ANKH: variants seen among roughly 807,000 people sequenced by gnomAD.
ANKH encodes mineralization regulator ANKH.
A neutral mutation model predicts 49.0 loss-of-function variants in ANKH; 15 were observed. That is an observed-to-expected ratio of 0.31 (90% CI 0.20 to 0.47). The LOEUF (loss-of-function observed/expected upper bound fraction) is 0.47. Ranked by LOEUF, ANKH falls within the 20% of genes least tolerant of loss-of-function variation. ANKH has a pLI of 1.00. For missense variants in ANKH, 429 were observed against 652.0 expected (o/e 0.66, Z 3.72); for synonymous variants, 273 against 260.0 (o/e 1.05, Z -0.48).
At chr5:14,821,925 A>G (rs562753442) in intron 1 of ANKH, among the ~76,000 whole-genome samples, 7 of 152,186 alleles carry the variant, frequency 4.6e-5, no homozygotes, top group Non-Finnish European at 1.0e-4. Flanking sequence ...AAACCCTGCT[A>G]TGGAACAGCA....
At chr5:14,729,322 G>A (rs982703945) in intron 8 of ANKH, among the ~76,000 whole-genome samples, 4 of 151,992 alleles carry the variant, frequency 2.6e-5, no homozygotes. Context: ...CAAAGTGCTG[G>A]GATTACAGCT....
At chr5:14,842,504 C>T (rs570705998) in intron 1 of ANKH, among the ~76,000 whole-genome samples, 51 of 152,242 alleles carry the variant, frequency 3.3e-4, no homozygotes, top group Middle Eastern at 3.4e-3. Context: ...TGGGACACAC[C>T]GATCTGGGTT....
At chr5:14,717,908 G>A (rs888104335) in intron 8 of ANKH, among the ~76,000 whole-genome samples, 1 of 152,120 alleles carries the variant, frequency 6.6e-6, no homozygotes, top group African/African-American at 2.4e-5. Context: ...GGAGCATTTT[G>A]GATTTTCGAT....
chr5:14,741,893 C>T lies in ANKH; in HGVS notation c.945G>A (p.Thr315=), dbSNP rs370855648. ...KNNPSNKLVS[T]SNTVTAAHIK... ...TGTGGGCTGCCGTGACTGTGTTGCT[C>T]GTGCTCACCAGTTTGTTGCTGGGGT... The change falls in exon 8 of 12, where the codon ACG becomes ACA. Residue 315 remains threonine, a synonymous_variant. Transcript: ENST00000284268. 1.1e-4 allele frequency: 174 copies of T among 1,614,116 alleles called. No homozygotes were observed. The highest frequency in any genetic ancestry group is 2.7e-4 in the Admixed American group (16 of 60,024).
At position 14,708,926 on chromosome 5, in the gene ANKH, CTT is replaced by C. The variant is rs1359245027; in HGVS notation, c.*2269_*2270del. On this transcript the variant is annotated 3_prime_UTR_variant, in exon 12 of 12. Transcript: ENST00000284268. ...TTTTTTTTTGAGATGGAGTTTTGCT[CTT>C]GTCACCCAGGCTGGAGTGCGATGGC... 1.3e-5 allele frequency: 2 copies of C among 149,786 alleles called. No individual in the cohort carries two copies. The highest frequency in any genetic ancestry group is 3.9e-4 in the East Asian group (2 of 5,128). The allele number at this position is 149,786 out of a possible 1,614,324, so 9.3% of individuals were successfully genotyped here.
chr5:14,717,586 C>A (rs1180130840), intron 8 of ANKH, among the ~76,000 whole-genome samples: 1 of 152,178 alleles, frequency 6.6e-6, no homozygotes, highest in Non-Finnish European at 1.5e-5. Flanking sequence ...GTAAGCAATC[C>A]ATCCACAGCT....
chr5:14,787,383 T>C (rs900141025), intron 1 of ANKH, among the ~76,000 whole-genome samples: 2 of 152,262 alleles, frequency 1.3e-5, no homozygotes, highest in Admixed American at 1.3e-4. Context: ...TCAAGCAATA[T>C]AAAATATTCT....
At chr5:14,819,064 C>T (rs1231771790) in intron 1 of ANKH, among the ~76,000 whole-genome samples, 1 of 152,160 alleles carries the variant, frequency 6.6e-6, no homozygotes, top group Non-Finnish European at 1.5e-5. Flanking sequence ...ACTCTGAATA[C>T]GGAGTTAATG....
At chr5:14,727,868 T>C (rs1262169814) in intron 8 of ANKH, among the ~76,000 whole-genome samples, 1 of 152,176 alleles carries the variant, frequency 6.6e-6, no homozygotes. Flanking sequence ...TGTATTTTTC[T>C]ACAATTAAAA....
At chr5:14,791,355 G>C (rs1447575550) in intron 1 of ANKH, among the ~76,000 whole-genome samples, 1 of 152,148 alleles carries the variant, frequency 6.6e-6, no homozygotes, top group East Asian at 1.9e-4. Flanking sequence ...ACAGCAAAAT[G>C]AAGAACTGTG....
chr5:14,852,335 C>T (rs959117341), intron 1 of ANKH, among the ~76,000 whole-genome samples: 12 of 152,064 alleles, frequency 7.9e-5, no homozygotes, highest in African/African-American at 2.9e-4. Flanking sequence ...GAAAAGGAAA[C>T]ATGATATGGA....
At chr5:14,870,756 A>G (rs1735789468) in intron 1 of ANKH, 1 of 161,356 alleles carries the variant, frequency 6.2e-6, no homozygotes, top group Admixed American at 6.1e-5. Context: ...TTAGTGGTCC[A>G]TGAAAAAAAA....
intron 8 of ANKH, among the ~76,000 whole-genome samples, chr5:14,730,695 G>A (rs1737970376): frequency 6.6e-6 from 1 of 152,204 alleles, no homozygotes; most frequent in East Asian, 1.9e-4. Context: ...GTATGTGGAT[G>A]TGCCCAGCGT....
At chr5:14,714,499 G>A (rs1737369363) in intron 9 of ANKH, among the ~76,000 whole-genome samples, 2 of 152,194 alleles carry the variant, frequency 1.3e-5, no homozygotes. Context: ...AAGGGCTCTT[G>A]GAGGAGGAAG....
chr5:14,734,538 C>T (rs1052648237), intron 8 of ANKH, among the ~76,000 whole-genome samples: 1 of 152,202 alleles, frequency 6.6e-6, no homozygotes, highest in African/African-American at 2.4e-5. Context: ...GCTCTGCTTC[C>T]ACAGCAGTGA....
At chr5:14,724,703 A>AT in intron 8 of ANKH, 1 of 386,860 alleles carries the variant, frequency 2.6e-6, no homozygotes, top group Non-Finnish European at 3.5e-6. Flanking sequence ...CTCTTTTCAA[A>AT]GCATTTGGAA....
At chr5:14,807,472 A>C (rs1161622282) in intron 1 of ANKH, among the ~76,000 whole-genome samples, 1 of 152,228 alleles carries the variant, frequency 6.6e-6, no homozygotes, top group Non-Finnish European at 1.5e-5. Flanking sequence ...TAAGGGCTTA[A>C]GAATTCTGAT....
intron 1 of ANKH, among the ~76,000 whole-genome samples, chr5:14,780,448 C>T (rs528072901): frequency 5.3e-5 from 8 of 152,218 alleles, no homozygotes; most frequent in East Asian, 1.9e-4. Context: ...CAGGCTGAGG[C>T]GGGAGAATCA....
In ANKH at chr5:14,838,277, C is replaced by G. The variant is rs1484554183; in HGVS notation, c.96+33075G>C. 3.4e-5 allele frequency among the ~76,000 whole-genome samples: 5 copies of G among 149,246 alleles called. No homozygotes were observed. The East Asian group carries it at 9.8e-4, about 29-fold the overall frequency. On this transcript the variant is annotated intron_variant, in intron 1 of 11. Coordinates refer to ENST00000284268, the MANE Select transcript of ANKH (RefSeq NM_054027.6). ...TAAAGTATAATAATAAAAAAATTAC[C>G]TAACGCTAAACGACGAGTTAATGGG... is the stretch of plus-strand genomic sequence containing the variant.
Sources: gnomAD v4.1 joint callset for allele counts (sites outside exome capture counted in the v4.1 genomes callset) on GRCh38, gnomAD v4.1.1 for gene constraint, MANE v1.5 for transcripts, NCBI Gene and HGNC (gene_info 2026-07-23, HGNC 2026-07-21) for gene names.